Variants in IL1RAPL1 observed in about 807,000 individuals in gnomAD.
IL1RAPL1 encodes the protein interleukin 1 receptor accessory protein like 1, also known as interleukin-1 receptor accessory protein-like 1.
A neutral mutation model predicts 48.4 loss-of-function variants in IL1RAPL1; 3 were observed. That is an observed-to-expected ratio of 0.06 (90% confidence interval 0.03 to 0.16). IL1RAPL1 has a LOEUF of 0.16. Among genes scored for constraint, IL1RAPL1 ranks in the 10% least tolerant of loss-of-function variants. IL1RAPL1 has a pLI of 1.00. For missense variants in IL1RAPL1, 349 were observed against 530.6 expected (o/e 0.66, Z 3.36); for synonymous variants, 185 against 187.7 (o/e 0.99, Z 0.12).
chrX:29,332,637 TTTATTTA>T (rs1569287614), intron 3 of IL1RAPL1, among the ~76,000 whole-genome samples: 3 of 99,016 alleles, frequency 3.0e-5, no homozygotes, highest in Admixed American at 1.1e-4. Context: ...TATTTATTTA[TTTATTTA>T]TTTATTTTAT....
At chrX:29,189,995 T>C in intron 2 of IL1RAPL1, among the ~76,000 whole-genome samples, 1 of 111,632 alleles carries the variant, frequency 9.0e-6, no homozygotes, top group South Asian at 3.8e-4. Flanking sequence ...GTTAGGCAGA[T>C]CTTGTTTCAA....
At chrX:29,761,519 A>G (rs1928752088) in intron 6 of IL1RAPL1, among the ~76,000 whole-genome samples, 1 of 112,198 alleles carries the variant, frequency 8.9e-6, no homozygotes, top group Non-Finnish European at 1.9e-5. Flanking sequence ...AAAAGTAATT[A>G]TCAGAACTAT....
intron 2 of IL1RAPL1, among the ~76,000 whole-genome samples, chrX:28,921,679 G>A (rs1232151331): frequency 8.9e-6 from 1 of 111,997 alleles, no homozygotes; most frequent in Non-Finnish European, 1.9e-5. Flanking sequence ...AAAGCATCCT[G>A]CCTACTCTGG....
At chrX:29,442,365 G>A (rs1347755646) in intron 5 of IL1RAPL1, among the ~76,000 whole-genome samples, 1 of 109,726 alleles carries the variant, frequency 9.1e-6, no homozygotes, top group Non-Finnish European at 1.9e-5. Flanking sequence ...GAGTGGGAGG[G>A]GGGTGAGGGA....
At chrX:28,930,995 A>C (rs1285828376) in intron 2 of IL1RAPL1, among the ~76,000 whole-genome samples, 1 of 110,944 alleles carries the variant, frequency 9.0e-6, no homozygotes, top group Non-Finnish European at 1.9e-5. Flanking sequence ...GTTTTCAAGG[A>C]AATACCGGCT....
chrX:29,369,481 C>T (rs1451252087), intron 3 of IL1RAPL1: 1 of 111,727 alleles, frequency 9.0e-6, no homozygotes, highest in African/African-American at 3.3e-5. Flanking sequence ...GTTTGAACCA[C>T]TCCCCAAAGC....
intron 2 of IL1RAPL1, among the ~76,000 whole-genome samples, chrX:28,843,086 T>G (rs755753661): frequency 9.0e-6 from 1 of 111,251 alleles, no homozygotes; most frequent in East Asian, 2.8e-4. Flanking sequence ...TTTTTTTCTG[T>G]TAAATATTAA....
chrX:28,684,973 C>A (rs1472727309), intron 1 of IL1RAPL1, among the ~76,000 whole-genome samples: 2 of 111,338 alleles, frequency 1.8e-5, no homozygotes, highest in Non-Finnish European at 3.8e-5. Flanking sequence ...AAATGAGCAA[C>A]AAAACAAACC....
intron 6 of IL1RAPL1, among the ~76,000 whole-genome samples, chrX:29,828,178 G>A (rs1322383743): frequency 8.9e-6 from 1 of 111,986 alleles, no homozygotes; most frequent in Non-Finnish European, 1.9e-5. Flanking sequence ...GAGAGGATAA[G>A]GTGAGACCAA....
At chrX:29,564,132 A>G (rs1037364969) in intron 5 of IL1RAPL1, among the ~76,000 whole-genome samples, 1 of 111,805 alleles carries the variant, frequency 8.9e-6, no homozygotes, top group African/African-American at 3.3e-5. Context: ...TAATTTGGGC[A>G]CAAGGAGAGA....
At chrX:29,048,784 A>G (rs1927030174) in intron 2 of IL1RAPL1, among the ~76,000 whole-genome samples, 1 of 112,126 alleles carries the variant, frequency 8.9e-6, no homozygotes, top group African/African-American at 3.2e-5. Context: ...TGGCCTCACC[A>G]GTTTTTATCA....
intron 5 of IL1RAPL1, among the ~76,000 whole-genome samples, chrX:29,602,079 G>A (rs1022648448): frequency 9.0e-6 from 1 of 111,406 alleles, no homozygotes; most frequent in Non-Finnish European, 1.9e-5. Flanking sequence ...TGCCTCCCAG[G>A]TTCAAGCGAT....
chrX:28,811,044 C>CT (rs1486866218), intron 2 of IL1RAPL1, among the ~76,000 whole-genome samples: 1 of 110,406 alleles, frequency 9.1e-6, no homozygotes, highest in Non-Finnish European at 1.9e-5. Context: ...GTATAAATGA[C>CT]AACTTCCTCA....
chrX:29,488,598 T>C (rs1275239013), intron 5 of IL1RAPL1, among the ~76,000 whole-genome samples: 3 of 111,492 alleles, frequency 2.7e-5, no homozygotes, highest in Non-Finnish European at 5.7e-5. Context: ...AGGTGGTGCA[T>C]ATGTAACTAT....
chrX:29,299,386 C>T (rs1222991364), intron 3 of IL1RAPL1, among the ~76,000 whole-genome samples: 2 of 111,841 alleles, frequency 1.8e-5, no homozygotes, highest in Non-Finnish European at 3.8e-5. Context: ...AAATCATGTA[C>T]TATGTATTCC....
intron 6 of IL1RAPL1, among the ~76,000 whole-genome samples, chrX:29,895,000 T>G (rs146009013): frequency 0.04 from 4,363 of 108,819 alleles, 220 homozygotes; most frequent in African/African-American, 0.14. Flanking sequence ...ATTTTTGTAT[T>G]TTCAGTAGAG....
intron 6 of IL1RAPL1, among the ~76,000 whole-genome samples, chrX:29,743,518 G>A (rs1297679421): frequency 9.0e-6 from 1 of 111,113 alleles, no homozygotes; most frequent in African/African-American, 3.3e-5. Flanking sequence ...ACAGAGCCTC[G>A]CTCTGTTGCC....
chrX:29,719,048 G>C (rs969604887), intron 6 of IL1RAPL1, among the ~76,000 whole-genome samples: 1 of 112,074 alleles, frequency 8.9e-6, no homozygotes, highest in Non-Finnish European at 1.9e-5. Context: ...AAAAGTAAGA[G>C]GAAAATATGT....
intron 2 of IL1RAPL1, among the ~76,000 whole-genome samples, chrX:28,864,399 A>G (rs1375288058): frequency 8.9e-6 from 1 of 112,456 alleles, no homozygotes; most frequent in Non-Finnish European, 1.9e-5. Flanking sequence ...TTTATAAAAT[A>G]ACATTTATAA....
Sources: allele counts gnomAD v4.1 joint callset (sites outside exome capture counted in the v4.1 genomes callset), GRCh38; gene constraint gnomAD v4.1.1; transcripts MANE v1.5; gene names NCBI Gene and HGNC (gene_info 2026-07-23, HGNC 2026-07-21).